The following USP39 variants were observed in gnomAD, a reference collection of about 807,000 sequenced individuals.
USP39 encodes ubiquitin carboxyl-terminal hydrolase 39.
In USP39, 38 loss-of-function variants were observed where a neutral mutation model predicts 66.4. The ratio of observed to expected loss-of-function variants is 0.57; its 90% CI spans 0.44 to 0.75. The LOEUF (loss-of-function observed/expected upper bound fraction) is 0.75. Among genes scored for constraint, USP39 ranks in the 30% least tolerant of loss-of-function variants. The pLI is 0.00. For missense variants in USP39, 608 were observed against 714.4 expected (o/e 0.85, Z 1.70); for synonymous variants, 303 against 274.6 (o/e 1.10, Z -1.02).
chr2:85,611,549 C>T (rs978947008), upstream of USP39: 4 of 1,550,954 alleles, frequency 2.6e-6, no homozygotes, highest in East Asian at 2.4e-5. Flanking sequence ...GTGGAGGTTC[C>T]GGAAAGAGAC....
chr2:85,616,398 C>T lies in USP39; in HGVS notation c.203C>T (p.Pro68Leu), dbSNP rs543189013. Residue 68 changes from proline to leucine, a missense_variant, in exon 1 of 13, where the codon CCG (proline) becomes CTG (leucine). Physicochemically the swap from Pro to Leu is moderately conservative, Grantham distance 98. Around this residue, in one of 6 missense-constraint regions of USP39, gnomAD observed 207 missense variants for 145.7 expected, o/e 1.42. Coordinates refer to ENST00000323701, the MANE Select transcript of USP39 (RefSeq NM_006590.4). ...SAREAPASVV[P>L]FVRVKREREV... Reference sequence around the variant, plus strand: ...CGCGAGGCCCCGGCTTCTGTTGTCCCGTTTGTGCGGGTGAAGCGGGAGCGC... The same window carrying T: ...CGCGAGGCCCCGGCTTCTGTTGTCCTGTTTGTGCGGGTGAAGCGGGAGCGC... 1.2e-5 allele frequency: 20 copies of T among 1,603,380 alleles called. No homozygotes were observed. Among genetic ancestry groups the T allele is most frequent in the Non-Finnish European group, 1.4e-5 (17 of 1,174,972 alleles).
chr2:85,635,902 A>T, intron 6 of USP39, 151 bp from the exon 7 acceptor site: 1 of 717,282 alleles, frequency 1.4e-6, no homozygotes, highest in Non-Finnish European at 2.5e-6. Flanking sequence ...CCAGCATTTA[A>T]TGATAAGATA....
chr2:85,611,683 G>T, upstream of USP39: 2 of 1,570,476 alleles, frequency 1.3e-6, no homozygotes, highest in South Asian at 2.3e-5. Flanking sequence ...TGTCGCGGCA[G>T]GTACACCTGC....
intron 1 of USP39, among the ~76,000 whole-genome samples, chr2:85,618,844 ACT>A (rs1318276895): frequency 6.6e-6 from 1 of 151,258 alleles, no homozygotes. Flanking sequence ...ATCTCTGCTC[ACT>A]GCAACCGCCT....
chr2:85,642,616 G>A (rs1268518745), intron 10 of USP39, among the ~76,000 whole-genome samples: 1 of 152,186 alleles, frequency 6.6e-6, no homozygotes, highest in African/African-American at 2.4e-5. Context: ...TCTTAACTAC[G>A]CAGTCTTTTA....
chr2:85,639,105 C>T, intron 8 of USP39, 98 bp from the exon 9 acceptor site: 1 of 1,252,794 alleles, frequency 8.0e-7, no homozygotes, highest in East Asian at 2.5e-5. Flanking sequence ...TTTGTTCTTT[C>T]AGATGAAGGA....
upstream of USP39, among the ~76,000 whole-genome samples, chr2:85,614,675 A>C (rs1673793124): frequency 1.3e-5 from 2 of 152,236 alleles, no homozygotes; most frequent in African/African-American, 4.8e-5. Context: ...AGGGTTTGTG[A>C]TAAAGGATTA....
chr2:85,611,308 G>C (rs1019171264), upstream of USP39: 1 of 1,421,850 alleles, frequency 7.0e-7, no homozygotes, highest in African/African-American at 1.5e-5. Flanking sequence ...GCTGGGGAAA[G>C]GCCATTTACT....
chr2:85,643,799 C>T (rs576778928), intron 10 of USP39, among the ~76,000 whole-genome samples: 39 of 151,992 alleles, frequency 2.6e-4, no homozygotes, highest in African/African-American at 8.7e-4. Flanking sequence ...AGGTGCACGC[C>T]GCCACGCCCA....
At chr2:85,617,507 C>T (rs1674082833) in intron 1 of USP39, among the ~76,000 whole-genome samples, 1 of 152,084 alleles carries the variant, frequency 6.6e-6, no homozygotes, top group Non-Finnish European at 1.5e-5. Context: ...ATGGTGTCTC[C>T]CTACAAAACG....
chr2:85,611,996 G>A (rs776225801), upstream of USP39: 7 of 1,513,240 alleles, frequency 4.6e-6, no homozygotes, highest in East Asian at 1.7e-4. Context: ...AGGAGCCGGG[G>A]ACGCAGAGTC....
upstream of USP39, chr2:85,611,749 C>T: frequency 5.0e-6 from 8 of 1,611,822 alleles, no homozygotes; most frequent in Non-Finnish European, 6.8e-6. Context: ...CTCACCTTCT[C>T]CTTGGCCGCC....
chr2:85,612,057 G>T, upstream of USP39: 1 of 1,173,766 alleles, frequency 8.5e-7, no homozygotes, highest in Non-Finnish European at 1.2e-6. Context: ...AGAGCTCCGC[G>T]CCGCCCCTTG....
chr2:85,643,075 A>G (rs1275309410), intron 10 of USP39, among the ~76,000 whole-genome samples: 4 of 140,842 alleles, frequency 2.8e-5, no homozygotes, highest in Non-Finnish European at 4.7e-5. Flanking sequence ...TGTCTCTACT[A>G]AAAAAAAAAA....
At chr2:85,640,604 C>CATAT (rs148399817) in intron 9 of USP39, among the ~76,000 whole-genome samples, 4 of 140,846 alleles carry the variant, frequency 2.8e-5, no homozygotes, top group Non-Finnish European at 6.1e-5. Flanking sequence ...TCTTTCTTTA[C>CATAT]ATATATATAT....
chr2:85,615,612 G>T (rs2104197351), upstream of USP39, among the ~76,000 whole-genome samples: 1 of 152,206 alleles, frequency 6.6e-6, no homozygotes, highest in Non-Finnish European at 1.5e-5. Flanking sequence ...TGGTTTCGAG[G>T]CACAAATCTG....
chr2:85,631,622 G>C (rs1164570688), intron 6 of USP39, among the ~76,000 whole-genome samples: 1 of 152,158 alleles, frequency 6.6e-6, no homozygotes, highest in Non-Finnish European at 1.5e-5. Flanking sequence ...AAATTAAACT[G>C]TATGGCTTAG....
chr2:85,645,946 T>C (rs1573453764), intron 11 of USP39: 1 of 152,252 alleles, frequency 6.6e-6, no homozygotes, highest in East Asian at 1.9e-4. Context: ...TGAAGTTCCC[T>C]GAGAGACCCT....
At chr2:85,619,551 T>A (rs1455401456) in intron 2 of USP39, among the ~76,000 whole-genome samples, 3 of 149,698 alleles carry the variant, frequency 2.0e-5, no homozygotes, top group Admixed American at 6.8e-5. Flanking sequence ...TTGAAATGTT[T>A]ATGGAGTATC....
Sources: allele counts gnomAD v4.1 joint callset (sites outside exome capture counted in the v4.1 genomes callset), GRCh38; gene constraint gnomAD v4.1.1; regional missense constraint gnomAD v4.1.1; transcripts MANE v1.5; gene names NCBI Gene and HGNC (gene_info 2026-07-23, HGNC 2026-07-21).